Variants in PRKCQ observed in about 807,000 individuals in gnomAD.
PRKCQ encodes the protein protein kinase C theta type.
Under a neutral mutation model 91.2 loss-of-function variants are expected in PRKCQ, and 41 were observed. The observed-to-expected ratio is 0.45, with a 90% CI of 0.35 to 0.58. The LOEUF is 0.58. Ranked by LOEUF, PRKCQ falls within the 20% of genes least tolerant of loss-of-function variation. PRKCQ has a pLI of 0.00. For missense variants in PRKCQ, 673 were observed against 896.5 expected, an observed-to-expected ratio of 0.75 and a Z score of 3.18; for synonymous variants, 307 against 316.9, an observed-to-expected ratio of 0.97 and a Z score of 0.33.
At position 6,438,740 on chromosome 10, in the gene PRKCQ, C is replaced by T. The variant is rs139736853; in HGVS notation, c.1836+3153G>A. On this transcript the variant is annotated intron_variant, in intron 16 of 17. Coordinates refer to ENST00000263125, the MANE Select transcript of PRKCQ (RefSeq NM_006257.5). ...CCTCCTGAGTAGCTGAGACCATAGGCGCCAGCCACCCTACCTGGCTAATTT... is the reference window on the plus strand; with the variant it reads ...CCTCCTGAGTAGCTGAGACCATAGGTGCCAGCCACCCTACCTGGCTAATTT... Among the ~76,000 whole-genome samples the T allele has an allele frequency of 3.2e-3, 487 of 152,246 alleles. 6 individuals are homozygous for T. The highest frequency in any genetic ancestry group is 0.011 in the African/African-American group (466 of 41,540).
At chr10:6,416,338 A>C in the PRKCQ span, among the ~76,000 whole-genome samples, 1 of 138,216 alleles carries the variant, frequency 7.2e-6, no homozygotes, top group African/African-American at 2.5e-5. Flanking sequence ...CACTGTACCT[A>C]CTGTGCAGAC....
At chr10:6,500,430 C>T (rs1490458342) in intron 4 of PRKCQ, among the ~76,000 whole-genome samples, 2 of 150,710 alleles carry the variant, frequency 1.3e-5, no homozygotes, top group Non-Finnish European at 3.0e-5. Context: ...TGTTTATATA[C>T]ATATATGTCT....
chr10:6,491,936 A>T (rs916979747), intron 7 of PRKCQ, 124 bp from the exon 8 acceptor site: 1 of 1,401,366 alleles, frequency 7.1e-7, no homozygotes, highest in Non-Finnish European at 9.9e-7. Flanking sequence ...GTGCATTTTA[A>T]ACCATCATTG....
intron 4 of PRKCQ, among the ~76,000 whole-genome samples, chr10:6,504,706 C>T (rs555675336): frequency 1.5e-4 from 23 of 152,164 alleles, no homozygotes; most frequent in African/African-American, 4.1e-4. Flanking sequence ...CTTCAGAAGA[C>T]GATTTCTTAT....
the PRKCQ span, among the ~76,000 whole-genome samples, chr10:6,395,281 G>A: frequency 6.6e-6 from 1 of 151,892 alleles, no homozygotes; most frequent in African/African-American, 2.4e-5. Context: ...AGCCAGGATG[G>A]TCTCGATCTC....
chr10:6,429,443 A>C (rs1448860302), intron 17 of PRKCQ, among the ~76,000 whole-genome samples: 1 of 152,204 alleles, frequency 6.6e-6, no homozygotes, highest in African/African-American at 2.4e-5. Flanking sequence ...CTTGGGACAG[A>C]TGTTGAGAAC....
At chr10:6,538,502 G>A (rs1839663358) in intron 1 of PRKCQ, among the ~76,000 whole-genome samples, 2 of 152,256 alleles carry the variant, frequency 1.3e-5, no homozygotes, top group African/African-American at 4.8e-5. Flanking sequence ...CAGTTTGAAG[G>A]ACATGGGGAA....
intron 1 of PRKCQ, among the ~76,000 whole-genome samples, chr10:6,525,341 G>A (rs1242673245): frequency 6.6e-6 from 1 of 152,088 alleles, no homozygotes; most frequent in Admixed American, 6.5e-5. Context: ...ATTTTGGGAG[G>A]CCAAGACAGG....
intron 1 of PRKCQ, among the ~76,000 whole-genome samples, chr10:6,524,787 C>T (rs746770913): frequency 3.9e-5 from 6 of 152,328 alleles, no homozygotes; most frequent in Non-Finnish European, 7.3e-5. Context: ...GGGCCAAGGT[C>T]TGTGAGTCTC....
chr10:6,568,117 A>G (rs1840898428), intron 1 of PRKCQ, among the ~76,000 whole-genome samples: 1 of 152,146 alleles, frequency 6.6e-6, no homozygotes, highest in Non-Finnish European at 1.5e-5. Flanking sequence ...GTGAGCCTGT[A>G]GTCTCAGCTA....
intron 1 of PRKCQ, among the ~76,000 whole-genome samples, chr10:6,555,040 T>C: frequency 6.6e-6 from 1 of 151,930 alleles, no homozygotes; most frequent in East Asian, 1.9e-4. Context: ...GATAATCAAA[T>C]AATGCATATT....
rs1835606992 is a variant in PRKCQ at position 6,465,567 on chromosome 10, C to T, written c.1354-1163G>A. ...ATCAGTAATCCATAAAGTGTGAGGA[C>T]CTTCGGTGCGTCTGGGCATGAATTT... On this transcript the variant is annotated intron_variant, in intron 12 of 17. Coordinates refer to ENST00000263125, the MANE Select transcript of PRKCQ (RefSeq NM_006257.5). The surrounding 1 kb of genome is among the most constrained non-coding windows in gnomAD (Gnocchi z 4.4). Among the ~76,000 whole-genome samples the T allele has an allele frequency of 6.6e-6, 1 of 152,204 alleles. No homozygotes were observed. The highest frequency in any genetic ancestry group is 2.4e-5 in the African/African-American group (1 of 41,440).
the PRKCQ span, among the ~76,000 whole-genome samples, chr10:6,402,560 C>T: frequency 1.3e-5 from 2 of 152,134 alleles, no homozygotes; most frequent in Non-Finnish European, 2.9e-5. Context: ...GGGGACTTAA[C>T]AATTTCAAAG....
intron 1 of PRKCQ, among the ~76,000 whole-genome samples, chr10:6,520,093 C>T (rs1564370833): frequency 6.6e-6 from 1 of 152,328 alleles, no homozygotes; most frequent in East Asian, 1.9e-4. Flanking sequence ...CTGTTCCGAA[C>T]AAGGCAGGGG....
chr10:6,556,666 T>TTTATG (rs1554783036), intron 1 of PRKCQ, among the ~76,000 whole-genome samples: 1,203 of 25,934 alleles, frequency 0.046, 12 homozygotes, highest in African/African-American at 0.06. Flanking sequence ...AATTGTAAAT[T>TTTATG]TTATGTTTAT....
chr10:6,558,774 C>T (rs929980707), intron 1 of PRKCQ, among the ~76,000 whole-genome samples: 3 of 152,144 alleles, frequency 2.0e-5, no homozygotes, highest in African/African-American at 7.2e-5. Flanking sequence ...TCTTATTTTA[C>T]TATTTTTATC....
chr10:6,458,244 G>A (rs1835129932), intron 14 of PRKCQ, among the ~76,000 whole-genome samples: 1 of 152,214 alleles, frequency 6.6e-6, no homozygotes. Flanking sequence ...AGCTCTGAGG[G>A]ATCTAGGTCA....
chr10:6,530,225 C>A (rs575264454), intron 1 of PRKCQ, among the ~76,000 whole-genome samples: 2 of 152,220 alleles, frequency 1.3e-5, no homozygotes, highest in South Asian at 4.2e-4. Context: ...AACCTTTGAT[C>A]CCATGAATAG....
the PRKCQ span, among the ~76,000 whole-genome samples, chr10:6,414,391 C>T: frequency 6.6e-6 from 1 of 152,080 alleles, no homozygotes; most frequent in African/African-American, 2.4e-5. Flanking sequence ...CCAGTTCTCA[C>T]CAAAGAAAAA....
Sources: gnomAD v4.1 joint callset for allele counts (sites outside exome capture counted in the v4.1 genomes callset) on GRCh38, gnomAD v4.1.1 for gene constraint, Gnocchi (gnomAD v3.1) non-coding constraint, MANE v1.5 for transcripts, NCBI Gene and HGNC (gene_info 2026-07-23, HGNC 2026-07-21) for gene names.